Variants in BBS9 observed in about 807,000 individuals in gnomAD.
BBS9 encodes Bardet-Biedl syndrome 9.
BBS9 carries 89 observed loss-of-function variants against 117.7 expected under a neutral mutation model. The ratio of observed to expected loss-of-function variants is 0.76; its 90% CI spans 0.64 to 0.90. The LOEUF is 0.90. Ranked by LOEUF, BBS9 falls within the 40% of genes least tolerant of loss-of-function variation. The pLI is 0.00. For missense variants in BBS9, 982 were observed against 1,042.2 expected (o/e 0.94, Z 0.80); for synonymous variants, 379 against 370.9 (o/e 1.02, Z -0.25).
chr7:33,503,533 T>C (rs1183724456), intron 19 of BBS9, among the ~76,000 whole-genome samples: 4 of 54,584 alleles, frequency 7.3e-5, no homozygotes, highest in African/African-American at 5.7e-4. Flanking sequence ...TTTGCCTCCT[T>C]GACTGATTTT....
intron 21 of BBS9, among the ~76,000 whole-genome samples, chr7:33,548,126 T>A (rs73690918): frequency 0.025 from 3,820 of 152,270 alleles, 160 homozygotes; most frequent in African/African-American, 0.087. Flanking sequence ...AATACAGGAA[T>A]AGAATACCAG....
Position 33,626,394 on chromosome 7 carries a change from G to A in BBS9, c.2522-8783G>A, listed in dbSNP as rs78514325. Among the ~76,000 whole-genome samples the A allele has an allele frequency of 8.9e-4, 136 of 152,330 alleles. 2 individuals carry two copies. The East Asian group carries it at 0.023, about 25-fold the overall frequency. ...GATTAATGCAGAAGATTGGTACCAGGAATGGGGCATTGCCATAAAGGTACC... is the reference window on the plus strand; with the variant it reads ...GATTAATGCAGAAGATTGGTACCAGAAATGGGGCATTGCCATAAAGGTACC... On this transcript the variant is annotated intron_variant, in intron 21 of 21. Transcript: ENST00000671952.
At chr7:33,389,687 TAAAA>T (rs5883400) in intron 19 of BBS9, among the ~76,000 whole-genome samples, 15 of 91,962 alleles carry the variant, frequency 1.6e-4, no homozygotes, top group African/African-American at 6.4e-4. Flanking sequence ...AGACTCCATC[TAAAA>T]AAAAAAAAAA....
At chr7:33,463,548 G>A (rs1036623560) in intron 19 of BBS9, among the ~76,000 whole-genome samples, 14 of 152,060 alleles carry the variant, frequency 9.2e-5, no homozygotes, top group African/African-American at 3.1e-4. Flanking sequence ...ATCTCTGTGA[G>A]CCAGGATGTG....
intron 19 of BBS9, among the ~76,000 whole-genome samples, chr7:33,487,521 G>T (rs930229657): frequency 6.6e-6 from 1 of 152,170 alleles, no homozygotes; most frequent in Non-Finnish European, 1.5e-5. Context: ...AGAGAAACAG[G>T]AGGATTGTCT....
intron 19 of BBS9, among the ~76,000 whole-genome samples, chr7:33,440,275 G>A (rs1458356312): frequency 1.3e-5 from 2 of 152,172 alleles, no homozygotes; most frequent in Non-Finnish European, 2.9e-5. Flanking sequence ...TGAGATATTA[G>A]TGTTATCAAT....
intron 21 of BBS9, among the ~76,000 whole-genome samples, chr7:33,546,054 C>T (rs1384585136): frequency 1.3e-5 from 2 of 151,042 alleles, no homozygotes; most frequent in African/African-American, 4.9e-5. Context: ...CTGCCTCAGC[C>T]TCCCGAGGAG....
intron 19 of BBS9, among the ~76,000 whole-genome samples, chr7:33,419,923 T>G (rs1030924563): frequency 1.3e-5 from 2 of 152,038 alleles, no homozygotes; most frequent in Non-Finnish European, 2.9e-5. Flanking sequence ...TTGGTGGTGG[T>G]GGGGGCAGAT....
chr7:33,289,266 T>C (rs1241804715), intron 9 of BBS9, among the ~76,000 whole-genome samples: 1 of 152,198 alleles, frequency 6.6e-6, no homozygotes, highest in African/African-American at 2.4e-5. Context: ...CTGGATGAGT[T>C]CCTTAAATAT....
chr7:33,457,346 A>T (rs919356060), intron 19 of BBS9, among the ~76,000 whole-genome samples: 2 of 152,202 alleles, frequency 1.3e-5, no homozygotes, highest in Non-Finnish European at 2.9e-5. Flanking sequence ...CGCTTCTACA[A>T]AACTAGTCTC....
chr7:33,350,546 C>T (rs1232612369), intron 13 of BBS9, among the ~76,000 whole-genome samples: 1 of 152,160 alleles, frequency 6.6e-6, no homozygotes, highest in African/African-American at 2.4e-5. Context: ...CCATTTTCTC[C>T]TTCAGTCTAT....
chr7:33,315,394 T>C (rs772213658), intron 9 of BBS9, among the ~76,000 whole-genome samples: 9 of 152,204 alleles, frequency 5.9e-5, no homozygotes, highest in Non-Finnish European at 1.2e-4. Context: ...ATACACATCA[T>C]TGGATTTACA....
At chr7:33,408,970 C>T (rs1421233551) in intron 19 of BBS9, among the ~76,000 whole-genome samples, 5 of 152,170 alleles carry the variant, frequency 3.3e-5, no homozygotes, top group Non-Finnish European at 7.4e-5. Flanking sequence ...TGATGATGAA[C>T]ATTTATTCAT....
intron 20 of BBS9, among the ~76,000 whole-genome samples, chr7:33,520,638 T>C (rs987808295): frequency 6.6e-6 from 1 of 152,164 alleles, no homozygotes; most frequent in Admixed American, 6.5e-5. Flanking sequence ...TGTAATCCAA[T>C]GTACTTTCAT....
chr7:33,460,895 C>T (rs1324216496), intron 19 of BBS9, among the ~76,000 whole-genome samples: 1 of 151,992 alleles, frequency 6.6e-6, no homozygotes, highest in Non-Finnish European at 1.5e-5. Context: ...TTTCATTAAC[C>T]CATTTCCCTA....
At chr7:33,533,524 C>T (rs1196086032) in intron 20 of BBS9, among the ~76,000 whole-genome samples, 2 of 152,200 alleles carry the variant, frequency 1.3e-5, no homozygotes, top group African/African-American at 2.4e-5. Flanking sequence ...GGTCCTCCTT[C>T]TCCTGGCCCG....
At chr7:33,313,836 A>T (rs1225543060) in intron 9 of BBS9, among the ~76,000 whole-genome samples, 1 of 152,202 alleles carries the variant, frequency 6.6e-6, no homozygotes, top group Admixed American at 6.5e-5. Context: ...ATAAACCTCA[A>T]ATTGCACCTT....
intron 7 of BBS9, among the ~76,000 whole-genome samples, chr7:33,271,344 A>G (rs564359522): frequency 6.6e-6 from 1 of 152,348 alleles, no homozygotes; most frequent in South Asian, 2.1e-4. Flanking sequence ...CAACAATGAC[A>G]GGATCAAATC....
intron 5 of BBS9, among the ~76,000 whole-genome samples, chr7:33,250,240 C>A (rs6969284): frequency 0.11 from 17,165 of 152,086 alleles, 1,146 homozygotes; most frequent in African/African-American, 0.18. Flanking sequence ...ACTATTGTCT[C>A]TTTTTTAGAG....
Sources: gnomAD v4.1 joint callset for allele counts (sites outside exome capture counted in the v4.1 genomes callset) on GRCh38, gnomAD v4.1.1 for gene constraint, MANE v1.5 for transcripts, NCBI Gene and HGNC (gene_info 2026-07-23, HGNC 2026-07-21) for gene names.